Variants in PBRM1 observed in about 807,000 individuals in gnomAD.
PBRM1 encodes the protein protein polybromo-1.
Under a neutral mutation model 194.5 loss-of-function variants are expected in PBRM1, and 27 were observed. That is an observed-to-expected ratio of 0.14 (90% CI 0.10 to 0.19). PBRM1 has a LOEUF of 0.19. Among genes scored for constraint, PBRM1 ranks in the 10% least tolerant of loss-of-function variants. The pLI, the probability that PBRM1 is intolerant of heterozygous loss-of-function variation, is 1.00. For synonymous variants in PBRM1, 655 were observed against 693.2 expected (o/e 0.94, Z 0.87); for missense variants, 1,466 against 2,077.2 (o/e 0.71, Z 5.72).
intron 20 of PBRM1, among the ~76,000 whole-genome samples, chr3:52,584,788 TTTTG>T (rs1279420360): frequency 9.2e-5 from 14 of 152,162 alleles, no homozygotes; most frequent in Non-Finnish European, 1.6e-4. Flanking sequence ...TTTTTACTGC[TTTTG>T]TTTATCTAAC....
intron 2 of PBRM1, among the ~76,000 whole-genome samples, chr3:52,670,462 C>G (rs2096923554): frequency 6.6e-6 from 1 of 152,198 alleles, no homozygotes; most frequent in Non-Finnish European, 1.5e-5. Context: ...CACATGTACA[C>G]ACAAACCAAA....
At chr3:52,659,153 G>C (rs1266457620) in intron 4 of PBRM1, among the ~76,000 whole-genome samples, 1 of 152,128 alleles carries the variant, frequency 6.6e-6, no homozygotes, top group Non-Finnish European at 1.5e-5. Context: ...CTGTTCTTTA[G>C]ACCCACTGGT....
intron 21 of PBRM1, among the ~76,000 whole-genome samples, chr3:52,576,971 G>T (rs1187200486): frequency 1.3e-5 from 2 of 152,120 alleles, no homozygotes; most frequent in Non-Finnish European, 2.9e-5. Flanking sequence ...TTTATCTAAT[G>T]ACCAGGTTTT....
At chr3:52,556,150 T>C (rs1575544324) in intron 26 of PBRM1, among the ~76,000 whole-genome samples, 1 of 152,306 alleles carries the variant, frequency 6.6e-6, no homozygotes, top group Admixed American at 6.5e-5. Context: ...CCTGAAGATT[T>C]CAAACATATT....
intron 3 of PBRM1, among the ~76,000 whole-genome samples, chr3:52,665,867 CAG>C (rs1225107302): frequency 6.6e-6 from 1 of 152,064 alleles, no homozygotes; most frequent in Non-Finnish European, 1.5e-5. Flanking sequence ...TACACAGCAC[CAG>C]CATTATAAAT....
chr3:52,630,637 G>A (rs1049056044), intron 11 of PBRM1, among the ~76,000 whole-genome samples: 1 of 152,144 alleles, frequency 6.6e-6, no homozygotes, highest in Non-Finnish European at 1.5e-5. Flanking sequence ...GGCACCACTG[G>A]CTCACAATCC....
chr3:52,639,079 G>T (rs2095958559), intron 10 of PBRM1, among the ~76,000 whole-genome samples: 1 of 151,612 alleles, frequency 6.6e-6, no homozygotes, highest in African/African-American at 2.4e-5. Context: ...CCGCCTCCCG[G>T]GTTCAAGCAA....
chr3:52,586,748 CAA>C (rs35352950), intron 19 of PBRM1, 60 bp from the exon 22 acceptor site: 9,863 of 178,358 alleles, frequency 0.055, 3 homozygotes, highest in East Asian at 0.079. Flanking sequence ...GAAAATCAAT[CAA>C]AAAAAAAAAA....
At chr3:52,610,062 A>G (rs1032280957) in intron 15 of PBRM1, 107 bp from the exon 18 acceptor site, 4 of 663,796 alleles carry the variant, frequency 6.0e-6, no homozygotes, top group Non-Finnish European at 9.5e-6. Context: ...TGTAAAATCT[A>G]GCAATTAGCA....
exon 1 of PBRM1, chr3:52,685,836 T>C: frequency 8.5e-6 from 4 of 470,380 alleles, no homozygotes; most frequent in Non-Finnish European, 1.5e-5. Context: ...CTATTGCTCC[T>C]CCGGCCGCGG....
chr3:52,683,128 G>C (rs896953101), upstream of PBRM1, among the ~76,000 whole-genome samples: 1 of 151,796 alleles, frequency 6.6e-6, no homozygotes, highest in Non-Finnish European at 1.5e-5. Context: ...GCTTGAACCC[G>C]GGAGGCGGAG....
rs1244421744 is a variant in PBRM1, at chr3:52,568,184, G to A, written c.3692-3951C>T. On this transcript the variant is annotated intron_variant, in intron 22 of 29. Coordinates refer to ENST00000296302, the Ensembl canonical transcript of PBRM1. ...AGTACAGACAGGGTTTCACCATGTCGGCCAGGCTAGTCTTCGACTCCTGAC... is the reference window on the plus strand; with the variant it reads ...AGTACAGACAGGGTTTCACCATGTCAGCCAGGCTAGTCTTCGACTCCTGAC... 8.5e-5 allele frequency among the ~76,000 whole-genome samples: 13 copies of A among 152,170 alleles called. No individual in the cohort carries two copies. The East Asian group carries it at 2.5e-3, about 29-fold the overall frequency.
chr3:52,660,514 T>C (rs756113343), intron 4 of PBRM1, among the ~76,000 whole-genome samples: 27 of 152,184 alleles, frequency 1.8e-4, no homozygotes, highest in South Asian at 6.2e-4. Context: ...TATCTATCTA[T>C]CTATCTATAT....
intron 10 of PBRM1, among the ~76,000 whole-genome samples, chr3:52,638,227 A>C: frequency 6.6e-6 from 1 of 152,188 alleles, no homozygotes; most frequent in African/African-American, 2.4e-5. Context: ...AGGTTATATT[A>C]GATTCACAGG....
At chr3:52,648,261 A>C (rs748852213) in intron 7 of PBRM1, 83 bp downstream of exon 8, 85 of 787,312 alleles carry the variant, frequency 1.1e-4, no homozygotes, top group Non-Finnish European at 1.7e-4. Context: ...ATATCTCAAT[A>C]AAGTTGTTTT....
At chr3:52,632,116 G>C (rs1232346919) in intron 11 of PBRM1, among the ~76,000 whole-genome samples, 2 of 152,144 alleles carry the variant, frequency 1.3e-5, no homozygotes, top group Admixed American at 6.5e-5. Flanking sequence ...ACCTCTTTGA[G>C]ACCCTGCTGT....
chr3:52,614,048 T>G (rs1325223823), intron 15 of PBRM1, among the ~76,000 whole-genome samples: 7 of 152,082 alleles, frequency 4.6e-5, no homozygotes, highest in Admixed American at 4.6e-4. Context: ...AAATCTACTA[T>G]CAAATTTAGT....
Position 52,573,576 on chromosome 3 carries a change from T to C in PBRM1, c.3691+2965A>G, listed in dbSNP as rs377033543. On this transcript the variant is annotated intron_variant, in intron 22 of 29. Transcript: ENST00000296302. ...TCCCAAAGTACTGGGATTACAGGCA[T>C]GAGCCACCATGCCCGGCCAGAATGT... is the stretch of plus-strand genomic sequence containing the variant. Among the ~76,000 whole-genome samples, 47 of 152,324 alleles carry C rather than the reference T, an allele frequency of 3.1e-4. 1 individual carries two copies. In the East Asian group the frequency reaches 7.3e-3, roughly 24 times the overall value.
At chr3:52,665,796 G>A (rs2096822352) in intron 3 of PBRM1, among the ~76,000 whole-genome samples, 1 of 152,148 alleles carries the variant, frequency 6.6e-6, no homozygotes, top group South Asian at 2.1e-4. Context: ...GGTCCCTGGT[G>A]CCAAAAAGCT....
Sources: gnomAD v4.1 joint callset for allele counts (sites outside exome capture counted in the v4.1 genomes callset) on GRCh38, gnomAD v4.1.1 for gene constraint, MANE v1.5 for transcripts, NCBI Gene and HGNC (gene_info 2026-07-23, HGNC 2026-07-21) for gene names.